WNK2: variants seen among roughly 807,000 people sequenced by gnomAD.
The protein encoded by WNK2 is serine/threonine-protein kinase WNK2.
Under a neutral mutation model 192.1 loss-of-function variants are expected in WNK2, and 67 were observed. The ratio of observed to expected loss-of-function variants is 0.35; its 90% confidence interval spans 0.29 to 0.43. The LOEUF is 0.43. Ranked by LOEUF, WNK2 falls within the 20% of genes least tolerant of loss-of-function variation. The probability of loss-of-function intolerance (pLI) is 1.00; values close to 1 mark genes in which losing one functional copy is unlikely to be tolerated. For synonymous variants in WNK2, 1,439 were observed against 1,393.9 expected (o/e 1.03, Z -0.72); for missense variants, 2,698 against 3,089.7 (o/e 0.87, Z 3.01).
chr9:93,259,801 C>T lies in WNK2; in HGVS notation c.3066+187C>T, dbSNP rs887308873. On this transcript the variant is annotated intron_variant, in intron 12 of 29. Coordinates refer to ENST00000427277, the MANE Select transcript of WNK2 (RefSeq NM_006648.4). The surrounding 1 kb of genome is among the most constrained non-coding windows in gnomAD (Gnocchi z 4.8). The stretch of plus-strand genomic sequence containing the variant: ...CAGCGCGAGGCATCTGCATCTCTTC[C>T]GTTTTCCGAATGGGTCAGGAGATGC... Among the ~76,000 whole-genome samples the T allele has an allele frequency of 6.6e-6, 1 of 152,206 alleles. No individual in the cohort carries two copies. The highest frequency in any genetic ancestry group is 1.9e-4 in the East Asian group (1 of 5,182).
chr9:93,211,715 C>T (rs1237149005), intron 2 of WNK2, among the ~76,000 whole-genome samples: 2 of 151,804 alleles, frequency 1.3e-5, no homozygotes, highest in Non-Finnish European at 2.9e-5. Context: ...CACCATTCAT[C>T]TACTCATTCA....
chr9:93,203,660 G>A (rs1832879844), intron 2 of WNK2, among the ~76,000 whole-genome samples: 1 of 152,192 alleles, frequency 6.6e-6, no homozygotes, highest in Non-Finnish European at 1.5e-5. Context: ...GGCTGTCAGA[G>A]TTGGCCAGAT....
chr9:93,268,316 G>T (rs1010043813), intron 18 of WNK2, among the ~76,000 whole-genome samples: 1 of 152,158 alleles, frequency 6.6e-6, no homozygotes, highest in Non-Finnish European at 1.5e-5. Flanking sequence ...GAGCTTCGGG[G>T]GCTGCCAGTG....
At chr9:93,318,588 C>G in intron 29 of WNK2, 1 of 1,608,578 alleles carries the variant, frequency 6.2e-7, no homozygotes, top group South Asian at 1.1e-5. Flanking sequence ...GCATAGAAAC[C>G]CTGGCTGCCC....
chr9:93,298,030 C>G lies in WNK2; in HGVS notation c.5886C>G (p.Pro1962=), dbSNP rs1471095843. 6.4e-7 allele frequency: 1 copy of G among 1,553,084 alleles called. No homozygotes were observed. The highest frequency in any genetic ancestry group is 1.2e-5 in the South Asian group (1 of 84,162). Residue 1962 remains proline, a synonymous_variant, in exon 24 of 30, where the codon CCC becomes CCG. Coordinates refer to ENST00000427277, the MANE Select transcript of WNK2 (RefSeq NM_006648.4). The stretch of plus-strand genomic sequence containing the variant: ...TGAAGGCAGGCAAGCTGCTAAATCC[C>G]CTGGTGCGGCAGCTCAAGGTCGTGG... ...SKLKAGKLLN[P]LVRQLKVVAS...
At chr9:93,194,540 C>G (rs918348491) in intron 2 of WNK2, among the ~76,000 whole-genome samples, 1 of 152,218 alleles carries the variant, frequency 6.6e-6, no homozygotes, top group Non-Finnish European at 1.5e-5. Flanking sequence ...TGGTCAAAAT[C>G]TAGAACACTA....
At chr9:93,286,112 T>A (rs565340071) in intron 19 of WNK2, among the ~76,000 whole-genome samples, 4 of 152,100 alleles carry the variant, frequency 2.6e-5, no homozygotes, top group Non-Finnish European at 5.9e-5. Flanking sequence ...GTAGAACACA[T>A]ACGTTAAAGT....
intron 23 of WNK2, among the ~76,000 whole-genome samples, chr9:93,294,064 G>A (rs1043997331): frequency 6.6e-6 from 1 of 152,142 alleles, no homozygotes; most frequent in African/African-American, 2.4e-5. Context: ...TGTCCTTCGG[G>A]ATGGGAGGGC....
intron 29 of WNK2, chr9:93,318,529 G>GC (rs1403859834): frequency 5.0e-6 from 8 of 1,614,100 alleles, no homozygotes; most frequent in Non-Finnish European, 5.1e-6. Flanking sequence ...GAGCAGACAT[G>GC]CCCCCCATGC....
At chr9:93,209,383 C>T (rs1189295506) in intron 2 of WNK2, among the ~76,000 whole-genome samples, 4 of 152,230 alleles carry the variant, frequency 2.6e-5, no homozygotes, top group Non-Finnish European at 5.9e-5. Context: ...GCTGCTTGCT[C>T]TCCATTGGGG....
intron 14 of WNK2, 47 bp from the exon 15 acceptor site, chr9:93,263,519 G>T: frequency 6.3e-7 from 1 of 1,599,784 alleles, no homozygotes; most frequent in Non-Finnish European, 8.5e-7. Flanking sequence ...CATTGCCGAC[G>T]TGCTGGTTGT....
chr9:93,244,488 T>C (rs999872814), intron 7 of WNK2, among the ~76,000 whole-genome samples: 4 of 152,162 alleles, frequency 2.6e-5, no homozygotes, highest in African/African-American at 9.7e-5. Flanking sequence ...AGAAACACTT[T>C]AGAGAGGAAG....
Position 93,229,879 on chromosome 9 carries a change from C to T in WNK2, c.854+11C>T. ...AGGGACGCTGAAGACGTAAGCTCCG[C>T]TTCCTGAGGGCTGGGGCGGGTCCTG... On this transcript the variant is annotated intron_variant, in intron 3 of 29. Coordinates refer to ENST00000427277, the MANE Select transcript of WNK2 (RefSeq NM_006648.4). This position sits in a 1 kb window ranked among gnomAD's most constrained non-coding sequence, Gnocchi z 4.9. 1 of 1,611,564 alleles carries T rather than the reference C, an allele frequency of 6.2e-7. No homozygotes were observed. The highest frequency in any genetic ancestry group is 8.5e-7 in the Non-Finnish European group (1 of 1,178,444).
At chr9:93,319,274 G>C in intron 29 of WNK2, 1 of 1,508,934 alleles carries the variant, frequency 6.6e-7, no homozygotes, top group Non-Finnish European at 8.9e-7. Flanking sequence ...CAGCCTCCTA[G>C]GGAGCACAGG....
At chr9:93,296,831 A>C (rs1249046196) in intron 23 of WNK2, among the ~76,000 whole-genome samples, 8 of 48,906 alleles carry the variant, frequency 1.6e-4, no homozygotes, top group Admixed American at 5.6e-4. Flanking sequence ...TTCTCCCCTC[A>C]TCTTCCTCCC....
chr9:93,267,732 A>G lies in WNK2; in HGVS notation c.3697-14A>G, dbSNP rs1255784513. 3 of 1,568,236 alleles carry G rather than the reference A, an allele frequency of 1.9e-6. No individual in the cohort carries two copies. The highest frequency in any genetic ancestry group is 2.6e-6 in the Non-Finnish European group (3 of 1,155,160). The stretch of plus-strand genomic sequence containing the variant: ...CTTGCAGCTGGTCCTCACTGGCAGT[A>G]TGTCCCTTTGCAGGTGGAGCATGAC... On this transcript the variant is annotated splice_polypyrimidine_tract_variant and intron_variant, in intron 16 of 29. Coordinates refer to ENST00000427277, the MANE Select transcript of WNK2 (RefSeq NM_006648.4).
intron 19 of WNK2, among the ~76,000 whole-genome samples, chr9:93,287,844 T>G (rs1848678121): frequency 6.6e-6 from 1 of 152,150 alleles, no homozygotes; most frequent in South Asian, 2.1e-4. Context: ...GCGGATTGCT[T>G]GAGCCCAGGA....
At chr9:93,301,170 G>A (rs1341614429) in intron 26 of WNK2, among the ~76,000 whole-genome samples, 5 of 152,362 alleles carry the variant, frequency 3.3e-5, no homozygotes, top group Admixed American at 6.5e-5. Flanking sequence ...CCCTCAGGAC[G>A]ATCGGCCAGT....
intron 2 of WNK2, among the ~76,000 whole-genome samples, chr9:93,222,690 C>CT (rs1022608949): frequency 1.3e-5 from 2 of 151,246 alleles, no homozygotes; most frequent in African/African-American, 4.9e-5. Context: ...TAATGATGTC[C>CT]TTTTTTTTTG....
Sources: allele counts gnomAD v4.1 joint callset (sites outside exome capture counted in the v4.1 genomes callset), GRCh38; gene constraint gnomAD v4.1.1; non-coding constraint Gnocchi (gnomAD v3.1); transcripts MANE v1.5; gene names NCBI Gene and HGNC (gene_info 2026-07-23, HGNC 2026-07-21).